The following EXOC6B variants were observed in gnomAD, a reference collection of about 807,000 sequenced individuals.
EXOC6B encodes exocyst complex component 6B.
A neutral mutation model predicts 113.5 loss-of-function variants in EXOC6B; 54 were observed. The ratio of observed to expected loss-of-function variants is 0.48; its 90% CI spans 0.38 to 0.60. The LOEUF (loss-of-function observed/expected upper bound fraction) is 0.60, where lower values mean the gene tolerates loss of function less well. EXOC6B is among the 20% of genes least tolerant of loss of function. EXOC6B has a pLI of 0.00. For missense variants in EXOC6B, 797 were observed against 977.5 expected, an observed-to-expected ratio of 0.82 and a Z score of 2.46; for synonymous variants, 357 against 339.0, an observed-to-expected ratio of 1.05 and a Z score of -0.58.
intron 18 of EXOC6B, among the ~76,000 whole-genome samples, chr2:72,388,309 G>A (rs1445725153): frequency 3.9e-5 from 6 of 152,058 alleles, no homozygotes; most frequent in African/African-American, 7.2e-5. Flanking sequence ...TGAGAAAGAG[G>A]TTATTTAGAA....
intron 6 of EXOC6B, among the ~76,000 whole-genome samples, chr2:72,622,952 T>G (rs1414954849): frequency 6.6e-6 from 1 of 152,110 alleles, no homozygotes; most frequent in Non-Finnish European, 1.5e-5. Context: ...CAGCCGAACA[T>G]ATGCATACCC....
At chr2:72,326,794 C>T (rs1323405007) in intron 20 of EXOC6B, among the ~76,000 whole-genome samples, 1 of 151,558 alleles carries the variant, frequency 6.6e-6, no homozygotes, top group Admixed American at 6.6e-5. Context: ...ATGGCAAAAC[C>T]GCAATTACTT....
intron 8 of EXOC6B, among the ~76,000 whole-genome samples, chr2:72,557,366 C>T (rs1703618171): frequency 7.2e-6 from 1 of 138,848 alleles, no homozygotes; most frequent in Non-Finnish European, 1.5e-5. Flanking sequence ...TTATCTATAC[C>T]TGTGATTGAA....
At chr2:72,701,318 G>A (rs905001807) in intron 6 of EXOC6B, among the ~76,000 whole-genome samples, 9 of 147,862 alleles carry the variant, frequency 6.1e-5, no homozygotes, top group South Asian at 2.2e-4. Context: ...CTCCAGCCTG[G>A]TGACAAAGCA....
intron 18 of EXOC6B, among the ~76,000 whole-genome samples, chr2:72,406,779 T>C (rs1431408887): frequency 6.6e-6 from 1 of 151,864 alleles, no homozygotes; most frequent in Non-Finnish European, 1.5e-5. Flanking sequence ...CACCCTAACA[T>C]CACAATTAAA....
intron 6 of EXOC6B, among the ~76,000 whole-genome samples, chr2:72,665,700 C>T (rs1195223438): frequency 6.6e-6 from 1 of 152,144 alleles, no homozygotes; most frequent in African/African-American, 2.4e-5. Context: ...TAACAAAGCA[C>T]TAAATACAGA....
intron 21 of EXOC6B, 45 bp from the exon 22 acceptor site, chr2:72,179,506 A>C: frequency 6.2e-7 from 1 of 1,612,142 alleles, no homozygotes; most frequent in Non-Finnish European, 8.5e-7. Flanking sequence ...TTGAGGAAAC[A>C]ATGGTGGAAG....
chr2:72,320,585 A>C (rs1207968743), intron 20 of EXOC6B, among the ~76,000 whole-genome samples: 1 of 152,200 alleles, frequency 6.6e-6, no homozygotes, highest in African/African-American at 2.4e-5. Context: ...AAAACATATC[A>C]TCATAGACCT....
In EXOC6B at chr2:72,489,351, A is replaced by T. The variant is rs139957245; in HGVS notation, c.1665+2967T>A. ...ATGGAATCAGTGCCTAATAGAGAGT[A>T]CATATTTTAAAAATTGTAAAGGTAA... is the stretch of plus-strand genomic sequence containing the variant. On this transcript the variant is annotated intron_variant, in intron 16 of 21. Transcript: ENST00000272427. Among the ~76,000 whole-genome samples, 168 of 152,340 alleles carry T rather than the reference A, an allele frequency of 1.1e-3. 1 individual carries two copies. The highest frequency in any genetic ancestry group is 3.9e-3 in the African/African-American group (163 of 41,586).
At chr2:72,757,304 T>C (rs1682479501) in intron 1 of EXOC6B, among the ~76,000 whole-genome samples, 1 of 152,194 alleles carries the variant, frequency 6.6e-6, no homozygotes, top group African/African-American at 2.4e-5. Flanking sequence ...GTCAAAACTT[T>C]AACCAAAATG....
intron 7 of EXOC6B, among the ~76,000 whole-genome samples, chr2:72,565,374 A>AG (rs1704105445): frequency 6.7e-6 from 1 of 149,342 alleles, no homozygotes; most frequent in African/African-American, 2.5e-5. Context: ...AAAAAAAAAA[A>AG]GCTGAACACT....
At chr2:72,804,141 T>C (rs946709276) in intron 1 of EXOC6B, among the ~76,000 whole-genome samples, 1 of 152,222 alleles carries the variant, frequency 6.6e-6, no homozygotes, top group Non-Finnish European at 1.5e-5. Context: ...ACCCTTGGCT[T>C]TCCATCAAAC....
intron 20 of EXOC6B, among the ~76,000 whole-genome samples, chr2:72,321,169 A>G (rs1388936349): frequency 6.6e-6 from 1 of 152,234 alleles, no homozygotes; most frequent in Admixed American, 6.5e-5. Flanking sequence ...GCAGTTTGAT[A>G]GTTTCTTATA....
Position 72,356,221 on chromosome 2 carries a change from T to G in EXOC6B, c.2123-21201A>C, listed in dbSNP as rs146478771. 4.9e-3 allele frequency among the ~76,000 whole-genome samples: 743 copies of G among 152,280 alleles called. 8 individuals carry two copies. Among genetic ancestry groups the G allele is most frequent in the African/African-American group, 0.017 (690 of 41,546 alleles). ...AGATACCCAGGTTTCCAAAATAAAT[T>G]TATTCATATTCTTTAGTTTCTTCTG... is the stretch of plus-strand genomic sequence containing the variant. On this transcript the variant is annotated intron_variant, in intron 19 of 21. Transcript: ENST00000272427.
chr2:72,436,416 C>T (rs1245654364), intron 18 of EXOC6B, among the ~76,000 whole-genome samples: 1 of 152,110 alleles, frequency 6.6e-6, no homozygotes, highest in Non-Finnish European at 1.5e-5. Context: ...GTGGTGTTCT[C>T]TGTATTTCCT....
intron 20 of EXOC6B, among the ~76,000 whole-genome samples, chr2:72,193,431 C>T (rs1678977189): frequency 6.6e-6 from 1 of 152,106 alleles, no homozygotes; most frequent in Admixed American, 6.6e-5. Flanking sequence ...GGAGCACTTC[C>T]TGACACAGAA....
At chr2:72,557,024 A>T (rs541068266) in intron 8 of EXOC6B, among the ~76,000 whole-genome samples, 135 of 152,112 alleles carry the variant, frequency 8.9e-4, no homozygotes, top group African/African-American at 3.2e-3. Context: ...TTATAGAATA[A>T]AAATCTAAAA....
intron 20 of EXOC6B, among the ~76,000 whole-genome samples, chr2:72,215,337 A>T (rs1680454097): frequency 6.6e-6 from 1 of 152,196 alleles, no homozygotes; most frequent in Non-Finnish European, 1.5e-5. Flanking sequence ...TTATCACTCT[A>T]GCGTCACCCA....
At chr2:72,390,316 GA>G (rs1261764145) in intron 18 of EXOC6B, among the ~76,000 whole-genome samples, 1 of 151,886 alleles carries the variant, frequency 6.6e-6, no homozygotes, top group Non-Finnish European at 1.5e-5. Flanking sequence ...TTTAAATATT[GA>G]ATATATTGAG....
Sources: gnomAD v4.1 joint callset for allele counts (sites outside exome capture counted in the v4.1 genomes callset) on GRCh38, gnomAD v4.1.1 for gene constraint, MANE v1.5 for transcripts, NCBI Gene and HGNC (gene_info 2026-07-23, HGNC 2026-07-21) for gene names.